The following ARB2A variants were observed in gnomAD, a reference collection of about 807,000 sequenced individuals.
The protein encoded by ARB2A is cotranscriptional regulator ARB2A.
chr5:93,917,545 T>C, the ARB2A span, among the ~76,000 whole-genome samples: 2 of 152,078 alleles, frequency 1.3e-5, no homozygotes, highest in Admixed American at 6.6e-5. Context: ...GTGTCATTAC[T>C]GCAAAGAAAA....
the ARB2A span, chr5:93,776,372 AT>A: frequency 6.7e-6 from 4 of 598,766 alleles, no homozygotes; most frequent in African/African-American, 3.8e-5. Context: ...TACACTTAAC[AT>A]TTTTTTCTTA....
the ARB2A span, among the ~76,000 whole-genome samples, chr5:93,638,011 C>A: frequency 1.3e-5 from 2 of 152,192 alleles, no homozygotes; most frequent in Non-Finnish European, 2.9e-5. Context: ...CAATGAACTT[C>A]CCAGATTTAG....
the ARB2A span, chr5:93,865,589 G>A: frequency 1.0e-6 from 1 of 985,356 alleles, no homozygotes; most frequent in Non-Finnish European, 1.2e-6. Context: ...AAAGCATACG[G>A]AAACAATTAG....
At chr5:93,916,260 G>A in the ARB2A span, among the ~76,000 whole-genome samples, 2,090 of 152,124 alleles carry the variant, frequency 0.014, 43 homozygotes, top group African/African-American at 0.048. Flanking sequence ...CTGTCAACCC[G>A]AAGAATTTTA....
chr5:93,683,304 A>G, the ARB2A span: 2 of 1,604,080 alleles, frequency 1.2e-6, no homozygotes, highest in African/African-American at 1.3e-5. Context: ...CGCTTTCCAG[A>G]TATACTTCAG....
the ARB2A span, among the ~76,000 whole-genome samples, chr5:93,677,928 T>C: frequency 1.3e-5 from 2 of 152,186 alleles, no homozygotes; most frequent in Admixed American, 6.5e-5. Context: ...CGAATGTTTA[T>C]GTATATCAAA....
the ARB2A span, among the ~76,000 whole-genome samples, chr5:93,656,522 A>G: frequency 1.3e-4 from 20 of 152,174 alleles, no homozygotes. Flanking sequence ...CTCACGAAAA[A>G]GCTCTATCTC....
the ARB2A span, among the ~76,000 whole-genome samples, chr5:93,830,315 A>ATGTG: frequency 9.0e-4 from 38 of 42,340 alleles, no homozygotes; most frequent in Admixed American, 2.6e-3. Flanking sequence ...GTGTGTGTAT[A>ATGTG]TATATATATA....
the ARB2A span, among the ~76,000 whole-genome samples, chr5:94,037,321 A>G: frequency 6.6e-6 from 1 of 152,204 alleles, no homozygotes; most frequent in Non-Finnish European, 1.5e-5. Flanking sequence ...AAGTAAAAGG[A>G]GTCTGCTAAC....
chr5:93,836,326 C>G, the ARB2A span, among the ~76,000 whole-genome samples: 1 of 152,336 alleles, frequency 6.6e-6, no homozygotes, highest in South Asian at 2.1e-4. Flanking sequence ...CACGCCAGGC[C>G]TAAAGAAAAT....
At chr5:93,689,097 C>G in the ARB2A span, among the ~76,000 whole-genome samples, 1 of 152,110 alleles carries the variant, frequency 6.6e-6, no homozygotes, top group Non-Finnish European at 1.5e-5. Flanking sequence ...AGGGTTATTT[C>G]TTTTTATTGT....
chr5:93,655,878 A>T, the ARB2A span, among the ~76,000 whole-genome samples: 599 of 152,264 alleles, frequency 3.9e-3, 3 homozygotes, highest in Non-Finnish European at 6.0e-3. Context: ...TCTTCATCCC[A>T]TTATCCTGTT....
At chr5:94,025,453 C>T in the ARB2A span, among the ~76,000 whole-genome samples, 5 of 152,224 alleles carry the variant, frequency 3.3e-5, no homozygotes, top group Non-Finnish European at 5.9e-5. Flanking sequence ...TTCATTTAAC[C>T]TTTAGCTCCT....
At chr5:93,627,441 T>TG in the ARB2A span, among the ~76,000 whole-genome samples, 657 of 142,864 alleles carry the variant, frequency 4.6e-3, 6 homozygotes, top group Non-Finnish European at 5.6e-3. Context: ...AAAATGTGTT[T>TG]TGTTTTTTTT....
At chr5:93,755,294 C>T in the ARB2A span, among the ~76,000 whole-genome samples, 1 of 152,182 alleles carries the variant, frequency 6.6e-6, no homozygotes, top group African/African-American at 2.4e-5. Flanking sequence ...ACACCATTCT[C>T]TGAATAACAG....
At chr5:94,074,656 G>T in the ARB2A span, 5 of 1,611,538 alleles carry the variant, frequency 3.1e-6, no homozygotes, top group Non-Finnish European at 4.2e-6. Flanking sequence ...CTTTCAGTGC[G>T]GTAGTCTTTT....
the ARB2A span, among the ~76,000 whole-genome samples, chr5:93,659,721 A>G: frequency 6.6e-6 from 1 of 152,158 alleles, no homozygotes; most frequent in Admixed American, 6.5e-5. Context: ...ATGTGCAAGA[A>G]ACAGTAACAA....
the ARB2A span, among the ~76,000 whole-genome samples, chr5:94,002,902 C>T: frequency 6.6e-6 from 1 of 151,892 alleles, no homozygotes; most frequent in Non-Finnish European, 1.5e-5. Context: ...GATAAGGCAT[C>T]CCCAATTATA....
the ARB2A span, among the ~76,000 whole-genome samples, chr5:93,827,329 C>A: frequency 6.6e-6 from 1 of 152,178 alleles, no homozygotes; most frequent in Admixed American, 6.5e-5. Context: ...TTTTGATCTG[C>A]GTTTCTCTGA....
Sources: gnomAD v4.1 joint callset for allele counts (sites outside exome capture counted in the v4.1 genomes callset) on GRCh38, gnomAD v4.1.1 for gene constraint, MANE v1.5 for transcripts, NCBI Gene and HGNC (gene_info 2026-07-23, HGNC 2026-07-21) for gene names.